KCNT1: variants seen among roughly 807,000 people sequenced by gnomAD.
The protein encoded by KCNT1 is potassium sodium-activated channel subfamily T member 1, also known as potassium channel subfamily T member 1.
Under a neutral mutation model 147.8 loss-of-function variants are expected in KCNT1, and 78 were observed. That is an observed-to-expected ratio of 0.53 (90% confidence interval 0.44 to 0.64). KCNT1 has a LOEUF of 0.64. Among genes scored for constraint, KCNT1 ranks in the 30% least tolerant of loss-of-function variants. The probability of loss-of-function intolerance (pLI) is 0.00; values close to 1 mark genes in which losing one functional copy is unlikely to be tolerated. For synonymous variants in KCNT1, 867 were observed against 748.8 expected (o/e 1.16, Z -2.58); for missense variants, 1,419 against 1,750.3 (o/e 0.81, Z 3.38).
intron 1 of KCNT1, among the ~76,000 whole-genome samples, chr9:135,711,008 T>C (rs1197123712): frequency 6.6e-6 from 1 of 152,206 alleles, no homozygotes; most frequent in Admixed American, 6.5e-5. Context: ...CTCTCCATGG[T>C]GCTCCTGGGT....
chr9:135,768,665 A>G lies in KCNT1; in HGVS notation c.1393A>G (p.Thr465Ala). 6.5e-7 allele frequency: 1 copy of G among 1,550,316 alleles called. No homozygotes were observed. The highest frequency in any genetic ancestry group is 1.2e-5 in the South Asian group (1 of 84,052). ...CAGCAGCAGGAACGAGGTGGACCGCACGGCTGCAGTGAGTGAGGCTGAGGC... is the reference window on the plus strand; with the variant it reads ...CAGCAGCAGGAACGAGGTGGACCGCGCGGCTGCAGTGAGTGAGGCTGAGGC... ...ILSSRNEVDRTAADHQTILRA... is the reference protein window; with the variant it reads ...ILSSRNEVDRAAADHQTILRA... Residue 465 changes from threonine (T) to alanine (A), a missense_variant, in exon 14 of 31, where the codon ACG (threonine) becomes GCG (alanine). Transcript: ENST00000371757.
chr9:135,705,502 C>T (rs1475373602), intron 1 of KCNT1, among the ~76,000 whole-genome samples: 1 of 152,222 alleles, frequency 6.6e-6, no homozygotes, highest in East Asian at 1.9e-4. Context: ...TGTGTGGGGC[C>T]CGCCAGCCAG....
At chr9:135,753,769 G>T in intron 4 of KCNT1, 168 bp from the exon 5 acceptor site, 1 of 661,262 alleles carries the variant, frequency 1.5e-6, no homozygotes, top group Non-Finnish European at 2.7e-6. Context: ...GTGGGGAGGG[G>T]GCAGGCTGCC....
intron 1 of KCNT1, among the ~76,000 whole-genome samples, chr9:135,710,048 T>A (rs990243378): frequency 2.0e-5 from 3 of 152,230 alleles, no homozygotes; most frequent in African/African-American, 7.2e-5. Flanking sequence ...CTGATGATTA[T>A]TCTGTTGCAA....
At chr9:135,703,807 T>C (rs1398582370) in intron 1 of KCNT1, among the ~76,000 whole-genome samples, 5 of 152,194 alleles carry the variant, frequency 3.3e-5, no homozygotes, top group African/African-American at 7.2e-5. Context: ...GTCCAGCCTT[T>C]AGCTCCAGGC....
intron 29 of KCNT1, chr9:135,787,973 C>CTTCT (rs1834200738): frequency 2.7e-6 from 2 of 730,866 alleles, no homozygotes; most frequent in Admixed American, 3.6e-5. Context: ...GACCGACTCG[C>CTTCT]TTCTGGTGGC....
At chr9:135,766,267 G>A (rs1047905350) in intron 13 of KCNT1, among the ~76,000 whole-genome samples, 8 of 151,816 alleles carry the variant, frequency 5.3e-5, no homozygotes, top group Non-Finnish European at 1.0e-4. Flanking sequence ...AGATCATGTG[G>A]GGTGGACCAT....
intron 3 of KCNT1, 57 bp from the exon 4 acceptor site, chr9:135,750,885 C>G: frequency 6.5e-7 from 1 of 1,535,870 alleles, no homozygotes; most frequent in Non-Finnish European, 9.0e-7. Context: ...GGTGCAGGCC[C>G]TGCTCCCCGA....
intron 20 of KCNT1, among the ~76,000 whole-genome samples, chr9:135,775,688 A>T (rs749589767): frequency 1.5e-4 from 23 of 152,012 alleles, no homozygotes; most frequent in Non-Finnish European, 3.1e-4. Context: ...GAGCCACCAC[A>T]CCCCTTTCCC....
intron 20 of KCNT1, 85 bp downstream of exon 20, chr9:135,775,500 CTT>C (rs963345233): frequency 2.0e-6 from 2 of 1,006,418 alleles, no homozygotes; most frequent in African/African-American, 3.3e-5. Context: ...TCTTTGGTCA[CTT>C]TACATTTCGA....
In KCNT1 at chr9:135,772,846, C is replaced by G; in HGVS notation, c.2140C>G (p.Leu714Val). 1 of 1,544,806 alleles carries G rather than the reference C, an allele frequency of 6.5e-7. No individual in the cohort carries two copies. Among genetic ancestry groups the G allele is most frequent in the Non-Finnish European group, 8.7e-7 (1 of 1,144,642 alleles). The change falls in exon 19 of 31, where the codon CTG becomes GTG. Residue 714 changes from leucine (L) to valine (V), a missense_variant. By Grantham distance (32) the Leu-to-Val change is conservative (BLOSUM62 1). Coordinates refer to ENST00000371757, the MANE Select transcript of KCNT1 (RefSeq NM_020822.3). ...GSRRPSIAPV[L>V]ELADSSALLP... ...CCGGCGGCCCAGCATCGCGCCCGTC[C>G]TGGAACTGGCCGACAGCTCAGCCCT...
rs143609496 is a variant in KCNT1, at chr9:135,770,741, C to A, written c.1770-116C>A. 2,888 of 1,066,202 alleles carry A rather than the reference C, an allele frequency of 2.7e-3. 53 individuals are homozygous for A. The African/African-American group carries it at 0.041, about 15-fold the overall frequency. The allele number at this position is 1,066,202 out of a possible 1,614,324, so 66.0% of individuals were successfully genotyped here. A position where few individuals can be genotyped will look rare whatever the true frequency, so the allele number is the denominator to read the frequency against. On this transcript the variant is annotated intron_variant, in intron 17 of 30. Transcript: ENST00000371757. ...AAGGTCCCTGACCCCAAATGGCCCC[C>A]AGGAGGAAGACGCGGAGCTCCGGTG...
Position 135,714,929 on chromosome 9 carries a change from C to T in KCNT1, c.254+209C>T, listed in dbSNP as rs947942070. Among the ~76,000 whole-genome samples the T allele has an allele frequency of 2.6e-5, 4 of 152,206 alleles. No individual in the cohort carries two copies. The highest frequency in any genetic ancestry group is 5.9e-5 in the Non-Finnish European group (4 of 68,022). On this transcript the variant is annotated intron_variant, in intron 2 of 30. Transcript: ENST00000371757. This position sits in a 1 kb window ranked among gnomAD's most constrained non-coding sequence, Gnocchi z 6.2. ...TCGGGAGGGGGTCTCCGGAGGAGGG[C>T]GCGGGATGCTCGGAGCTGCGGAGTC...
At chr9:135,724,398 C>T (rs973818507) in intron 2 of KCNT1, among the ~76,000 whole-genome samples, 3 of 152,248 alleles carry the variant, frequency 2.0e-5, no homozygotes, top group African/African-American at 2.4e-5. Context: ...CACAGGCCAA[C>T]GGGGGCAGGC....
intron 22 of KCNT1, 50 bp from the exon 23 acceptor site, chr9:135,778,638 G>A (rs1413182477): frequency 1.2e-6 from 2 of 1,609,978 alleles, no homozygotes; most frequent in East Asian, 2.2e-5. Context: ...GGTCCTGTGG[G>A]TGGGGAGTGG....
At chr9:135,767,385 G>A (rs1832357332) in intron 13 of KCNT1, among the ~76,000 whole-genome samples, 2 of 152,042 alleles carry the variant, frequency 1.3e-5, no homozygotes, top group South Asian at 2.1e-4. Context: ...ATGTGGTGGG[G>A]TTCCCTGCCC....
intron 2 of KCNT1, chr9:135,737,148 G>A (rs544880131): frequency 1.7e-3 from 270 of 157,968 alleles, no homozygotes; most frequent in African/African-American, 6.3e-3. Context: ...GACAGGGCCG[G>A]CATCCGTGTC....
At chr9:135,783,893 C>CCATGCACAAATGTGCACACAGGTAT in intron 24 of KCNT1, 131 bp from the exon 25 acceptor site, 1 of 691,848 alleles carries the variant, frequency 1.4e-6, no homozygotes, top group East Asian at 2.7e-5. Context: ...GACACACACA[C>CCATGCACAAATGTGCACACAGGTAT]CATGCACAAA....
intron 4 of KCNT1, among the ~76,000 whole-genome samples, chr9:135,753,148 AGTG>A (rs1388892053): frequency 5.6e-5 from 8 of 143,122 alleles, no homozygotes; most frequent in East Asian, 2.0e-4. Context: ...TGGATGGATG[AGTG>A]AGTGGAAAGA....
Sources: gnomAD v4.1 joint callset for allele counts (sites outside exome capture counted in the v4.1 genomes callset) on GRCh38, gnomAD v4.1.1 for gene constraint, Gnocchi (gnomAD v3.1) non-coding constraint, MANE v1.5 for transcripts, NCBI Gene and HGNC (gene_info 2026-07-23, HGNC 2026-07-21) for gene names.